Variants in WDPCP observed in about 807,000 individuals in gnomAD.
The protein encoded by WDPCP is WD repeat containing planar cell polarity effector, also known as WD repeat-containing and planar cell polarity effector protein fritz homolog.
Under a neutral mutation model 93.1 loss-of-function variants are expected in WDPCP, and 71 were observed. The ratio of observed to expected loss-of-function variants is 0.76; its 90% CI spans 0.63 to 0.93. WDPCP has a LOEUF of 0.93. WDPCP is among the 40% of genes least tolerant of loss of function. The pLI, the probability that WDPCP is intolerant of heterozygous loss-of-function variation, is 0.00. For missense variants in WDPCP, 844 were observed against 887.4 expected (o/e 0.95, Z 0.62); for synonymous variants, 315 against 315.0 (o/e 1.00, Z 0.00).
chr2:63,281,178 A>G (rs1683511372), intron 13 of WDPCP, among the ~76,000 whole-genome samples: 1 of 152,208 alleles, frequency 6.6e-6, no homozygotes. Flanking sequence ...AAGGACATGA[A>G]TAGACAATTC....
chr2:63,202,770 A>G (rs1401912369), intron 14 of WDPCP, among the ~76,000 whole-genome samples: 1 of 152,116 alleles, frequency 6.6e-6, no homozygotes, highest in Non-Finnish European at 1.5e-5. Flanking sequence ...TGCGCATCAC[A>G]TTACATTTGT....
At chr2:63,750,574 T>G (rs1294724828) in intron 2 of WDPCP, among the ~76,000 whole-genome samples, 1 of 152,134 alleles carries the variant, frequency 6.6e-6, no homozygotes, top group Non-Finnish European at 1.5e-5. Context: ...CCTTCACTCT[T>G]GGTTACTGAT....
At chr2:63,419,632 C>T (rs533125290) in intron 9 of WDPCP, among the ~76,000 whole-genome samples, 3 of 152,100 alleles carry the variant, frequency 2.0e-5, no homozygotes, top group Admixed American at 6.5e-5. Context: ...AATCAGTCAA[C>T]ATGATTGACG....
intron 15 of WDPCP, among the ~76,000 whole-genome samples, chr2:63,165,220 C>T (rs1672877902): frequency 6.6e-6 from 1 of 152,022 alleles, no homozygotes; most frequent in Admixed American, 6.6e-5. Flanking sequence ...TCCCTCAATT[C>T]CTGTTGTGTT....
chr2:63,518,188 T>A (rs1200372729), intron 1 of WDPCP: 1 of 152,192 alleles, frequency 6.6e-6, no homozygotes, highest in Non-Finnish European at 1.5e-5. Context: ...ACGCCTGGCC[T>A]AGTTTCATAT....
Position 63,439,886 on chromosome 2 carries a change from G to A in WDPCP, c.385-15C>T. 6.3e-7 allele frequency: 1 copy of A among 1,596,890 alleles called. No individual in the cohort carries two copies. Among genetic ancestry groups the A allele is most frequent in the South Asian group, 1.1e-5 (1 of 90,746 alleles). The stretch of plus-strand genomic sequence containing the variant: ...CCAAAAAGGAGCTAAAACCAGGTAA[G>A]TGGGGGAGAGAGGGAGGAAGACATG... On this transcript the variant is annotated splice_polypyrimidine_tract_variant and intron_variant, in intron 6 of 17. Coordinates refer to ENST00000272321, the MANE Select transcript of WDPCP (RefSeq NM_015910.7).
chr2:63,348,616 A>T (rs1689354829), intron 12 of WDPCP, among the ~76,000 whole-genome samples: 1 of 152,172 alleles, frequency 6.6e-6, no homozygotes, highest in Non-Finnish European at 1.5e-5. Context: ...AATTGTGCTT[A>T]TATGGGTATT....
chr2:63,164,614 T>G (rs10176805), intron 15 of WDPCP, among the ~76,000 whole-genome samples: 3,678 of 152,144 alleles, frequency 0.024, 156 homozygotes, highest in African/African-American at 0.084. Flanking sequence ...ACAGCCTGAG[T>G]AAGAGTGAGC....
the WDPCP span, among the ~76,000 whole-genome samples, chr2:63,840,691 G>A: frequency 6.6e-6 from 1 of 152,246 alleles, no homozygotes; most frequent in African/African-American, 2.4e-5. Context: ...TAGTCAGCGG[G>A]AATATTTTTA....
At chr2:63,235,616 C>T (rs1197596041) in intron 14 of WDPCP, among the ~76,000 whole-genome samples, 1 of 152,048 alleles carries the variant, frequency 6.6e-6, no homozygotes, top group Non-Finnish European at 1.5e-5. Context: ...TCTAACACAT[C>T]AAATCCAGCA....
At chr2:63,637,724 C>T (rs1365201331) in intron 3 of WDPCP, among the ~76,000 whole-genome samples, 1 of 152,068 alleles carries the variant, frequency 6.6e-6, no homozygotes, top group Non-Finnish European at 1.5e-5. Context: ...AAATCAAAAC[C>T]ACAATGAGAG....
rs796547499 is a variant in WDPCP, at chr2:63,724,172, A to G, written n.309-73334T>C. On this transcript the variant is annotated intron_variant and non_coding_transcript_variant, in intron 2 of 4. Transcript: ENST00000467687. ...AATATTTAGTTTGATGTAGATACATAGTTGTTCATTGCTGTGCTGCAATTC... is the reference window on the plus strand; with the variant it reads ...AATATTTAGTTTGATGTAGATACATGGTTGTTCATTGCTGTGCTGCAATTC... Among the ~76,000 whole-genome samples the G allele has an allele frequency of 2.6e-5, 4 of 152,354 alleles. 1 individual carries two copies. The highest frequency in any genetic ancestry group is 9.6e-5 in the African/African-American group (4 of 41,588).
At chr2:63,805,454 C>G (rs951867760) in intron 2 of WDPCP, among the ~76,000 whole-genome samples, 1 of 152,140 alleles carries the variant, frequency 6.6e-6, no homozygotes, top group Non-Finnish European at 1.5e-5. Flanking sequence ...CAAATCAGAC[C>G]CCAGAACAGA....
At chr2:63,318,343 T>A (rs1292111092) in intron 12 of WDPCP, among the ~76,000 whole-genome samples, 1 of 152,220 alleles carries the variant, frequency 6.6e-6, no homozygotes, top group Non-Finnish European at 1.5e-5. Context: ...TCAGCCACTG[T>A]GGAAAGCAGT....
intron 1 of WDPCP, among the ~76,000 whole-genome samples, chr2:63,556,730 G>T (rs1440452852): frequency 1.3e-5 from 2 of 152,110 alleles, no homozygotes; most frequent in African/African-American, 4.8e-5. Context: ...ATTTTCCAAG[G>T]TCGAAATGAA....
chr2:63,528,127 G>C (rs1049117792), intron 1 of WDPCP, among the ~76,000 whole-genome samples: 23 of 152,300 alleles, frequency 1.5e-4, no homozygotes, highest in South Asian at 2.1e-4. Flanking sequence ...CCCTTTGTCA[G>C]ATGAGTAGAT....
At chr2:63,801,138 T>C (rs753843832) in intron 2 of WDPCP, among the ~76,000 whole-genome samples, 2 of 152,246 alleles carry the variant, frequency 1.3e-5, no homozygotes, top group Non-Finnish European at 2.9e-5. Flanking sequence ...GCATCTTAGC[T>C]GGGTGGCTGG....
At chr2:63,588,965 G>A (rs1709077839), upstream of WDPCP, 4 of 1,606,296 alleles carry the variant, frequency 2.5e-6, no homozygotes, top group East Asian at 2.2e-5. Context: ...CCCTCTCCGA[G>A]TCAGTTCCGC....
intron 2 of WDPCP, among the ~76,000 whole-genome samples, chr2:63,773,186 C>T (rs1236936639): frequency 6.6e-6 from 1 of 151,876 alleles, no homozygotes; most frequent in African/African-American, 2.4e-5. Context: ...TGGGAATAAT[C>T]CAAATGCCCA....
Sources: allele counts gnomAD v4.1 joint callset (sites outside exome capture counted in the v4.1 genomes callset), GRCh38; gene constraint gnomAD v4.1.1; transcripts MANE v1.5; gene names NCBI Gene and HGNC (gene_info 2026-07-23, HGNC 2026-07-21).